The following NEGR1 variants were observed in gnomAD, a reference collection of about 807,000 sequenced individuals.
NEGR1 encodes the protein IgLON family member 4.
In NEGR1, 10 loss-of-function variants were observed where a neutral mutation model predicts 40.9. The ratio of observed to expected loss-of-function variants is 0.24; its 90% CI spans 0.15 to 0.42. The LOEUF is 0.42. Among genes scored for constraint, NEGR1 ranks in the 10% least tolerant of loss-of-function variants. The pLI, the probability that NEGR1 is intolerant of heterozygous loss-of-function variation, is 1.00. For missense variants in NEGR1, 352 were observed against 438.9 expected (o/e 0.80, Z 1.77); for synonymous variants, 185 against 166.8 (o/e 1.11, Z -0.84).
chr1:71,420,336 T>C (rs2101277631), intron 6 of NEGR1, among the ~76,000 whole-genome samples: 1 of 152,184 alleles, frequency 6.6e-6, no homozygotes, highest in South Asian at 2.1e-4. Context: ...AGTCAGGAAA[T>C]TATAATTTAG....
chr1:71,959,081 A>T lies in NEGR1; in HGVS notation c.177-23770T>A, dbSNP rs563373927. ...TCTCACAGTATTTTTTGTTTACACC[A>T]TTATAATCTCATTAACTGCAGCAAC... On this transcript the variant is annotated intron_variant, in intron 1 of 6. Coordinates refer to ENST00000357731, the MANE Select transcript of NEGR1 (RefSeq NM_173808.3). 3.5e-4 allele frequency among the ~76,000 whole-genome samples: 54 copies of T among 152,226 alleles called. No individual in the cohort carries two copies. In the South Asian group the frequency reaches 4.1e-3, roughly 12 times the overall value.
intron 1 of NEGR1, among the ~76,000 whole-genome samples, chr1:72,193,022 A>T (rs1232899548): frequency 6.6e-6 from 1 of 151,786 alleles, no homozygotes; most frequent in African/African-American, 2.4e-5. Context: ...AGGACAAAGG[A>T]GAGAAATACT....
chr1:71,747,352 AC>A (rs1456499708), intron 3 of NEGR1, among the ~76,000 whole-genome samples: 1 of 152,200 alleles, frequency 6.6e-6, no homozygotes, highest in African/African-American at 2.4e-5. Context: ...CAATATTAAA[AC>A]ATAAAAATAA....
chr1:71,556,805 A>G (rs1347015443), intron 6 of NEGR1, among the ~76,000 whole-genome samples: 1 of 151,524 alleles, frequency 6.6e-6, no homozygotes, highest in East Asian at 2.0e-4. Flanking sequence ...GAAGGCAGCT[A>G]TAAATGTTCA....
At chr1:71,811,757 T>C (rs1658009006) in intron 2 of NEGR1, among the ~76,000 whole-genome samples, 1 of 151,294 alleles carries the variant, frequency 6.6e-6, no homozygotes, top group Non-Finnish European at 1.5e-5. Flanking sequence ...TAGTAGTTGC[T>C]AACTTAATGT....
intron 1 of NEGR1, among the ~76,000 whole-genome samples, chr1:72,019,075 T>A (rs1431448086): frequency 1.3e-5 from 2 of 152,146 alleles, no homozygotes; most frequent in Non-Finnish European, 2.9e-5. Flanking sequence ...TATGTCTTCA[T>A]GGGCTGGACA....
rs1041694728 is a variant in NEGR1, at chr1:72,174,777, T to A, written c.176+107542A>T. ...AAAATTAAAAAAAATTTAAAAAAAA[T>A]TTTCGGCTTTATGCCTCTATAACAT... is the stretch of plus-strand genomic sequence containing the variant. On this transcript the variant is annotated intron_variant, in intron 1 of 6. Coordinates refer to ENST00000357731, the MANE Select transcript of NEGR1 (RefSeq NM_173808.3). Among the ~76,000 whole-genome samples the A allele has an allele frequency of 2.6e-5, 4 of 151,890 alleles. 1 individual carries two copies. Among genetic ancestry groups the A allele is most frequent in the East Asian group, 3.9e-4 (2 of 5,186 alleles).
chr1:72,066,413 GACC>G (rs1647273655), intron 1 of NEGR1, among the ~76,000 whole-genome samples: 1 of 152,218 alleles, frequency 6.6e-6, no homozygotes, highest in South Asian at 2.1e-4. Flanking sequence ...CTGAAATTAA[GACC>G]ACATTTTAAC....
At chr1:71,933,557 G>A (rs1401976430) in intron 2 of NEGR1, among the ~76,000 whole-genome samples, 1 of 151,998 alleles carries the variant, frequency 6.6e-6, no homozygotes, top group East Asian at 1.9e-4. Flanking sequence ...AACTGAACAA[G>A]AGAACAAGAT....
At chr1:71,936,617 T>G (rs944039038) in intron 1 of NEGR1, among the ~76,000 whole-genome samples, 1 of 151,878 alleles carries the variant, frequency 6.6e-6, no homozygotes, top group Non-Finnish European at 1.5e-5. Flanking sequence ...ATGAGAGAAA[T>G]AGGAATTTCA....
At chr1:71,907,471 C>A (rs12404198) in intron 2 of NEGR1, among the ~76,000 whole-genome samples, 1,941 of 152,182 alleles carry the variant, frequency 0.013, 15 homozygotes, top group Admixed American at 0.022. Context: ...CTGTCTCACA[C>A]CAATCTGGAT....
At chr1:71,909,842 A>G (rs1661375624) in intron 2 of NEGR1, among the ~76,000 whole-genome samples, 1 of 152,220 alleles carries the variant, frequency 6.6e-6, no homozygotes, top group South Asian at 2.1e-4. Flanking sequence ...TATTAACCAC[A>G]AAAGATAGCA....
intron 2 of NEGR1, among the ~76,000 whole-genome samples, chr1:71,821,878 A>G (rs1658439730): frequency 6.6e-6 from 1 of 152,008 alleles, no homozygotes; most frequent in African/African-American, 2.4e-5. Flanking sequence ...AGGCAGACAT[A>G]AGCAAGCAAC....
rs1182818002 is a variant in NEGR1, at chr1:71,403,247, CT to C, written c.*4198del. ...GTTCTCAGCCAAATAACGTGTTTTG[CT>C]TGGAAACCAAGGTATTTTTAAGGAA... is the stretch of plus-strand genomic sequence containing the variant. On this transcript the variant is annotated 3_prime_UTR_variant, in exon 7 of 7. Transcript: ENST00000357731. The C allele has an allele frequency of 6.6e-6, 1 of 151,960 alleles. No homozygotes were observed. Among genetic ancestry groups the C allele is most frequent in the Non-Finnish European group, 1.5e-5 (1 of 67,932 alleles). The allele number at this position is 151,960 out of a possible 1,614,324, so 9.4% of individuals were successfully genotyped here. A position where few individuals can be genotyped will look rare whatever the true frequency, so the allele number is the denominator to read the frequency against.
chr1:71,454,859 T>C (rs1453860321), intron 6 of NEGR1, among the ~76,000 whole-genome samples: 10 of 152,338 alleles, frequency 6.6e-5, no homozygotes, highest in African/African-American at 2.2e-4. Flanking sequence ...ACTGAAGGTT[T>C]TATCTTGCCT....
At chr1:71,477,187 T>G (rs115883218) in intron 6 of NEGR1, among the ~76,000 whole-genome samples, 1,741 of 152,244 alleles carry the variant, frequency 0.011, 31 homozygotes, top group African/African-American at 0.04. Context: ...AAAGGCAACC[T>G]TGCTTAATAT....
At chr1:72,251,079 T>C (rs1360569995) in intron 1 of NEGR1, among the ~76,000 whole-genome samples, 1 of 152,154 alleles carries the variant, frequency 6.6e-6, no homozygotes, top group Non-Finnish European at 1.5e-5. Context: ...TGAAGATCCT[T>C]TGGCAAAATA....
In NEGR1 at chr1:71,655,211, T is replaced by G. The variant is rs138756505; in HGVS notation, c.667+42797A>C. Among the ~76,000 whole-genome samples the G allele has an allele frequency of 1.3e-4, 20 of 152,302 alleles. No homozygotes were observed. The East Asian group carries it at 2.3e-3, about 18-fold the overall frequency. Reference sequence around the variant, plus strand: ...GCTGTGGAGGAAGGTCTAAAAGAAATTATATTTGTGTTCTGAACCATTAAG... The same window carrying G: ...GCTGTGGAGGAAGGTCTAAAAGAAAGTATATTTGTGTTCTGAACCATTAAG... On this transcript the variant is annotated intron_variant, in intron 4 of 6. Transcript: ENST00000357731.
intron 1 of NEGR1, among the ~76,000 whole-genome samples, chr1:72,162,524 A>C (rs1651607738): frequency 6.6e-6 from 1 of 152,022 alleles, no homozygotes; most frequent in Non-Finnish European, 1.5e-5. Flanking sequence ...GAAGACTTAC[A>C]CCATTGCCCT....
Sources: gnomAD v4.1 joint callset for allele counts (sites outside exome capture counted in the v4.1 genomes callset) on GRCh38, gnomAD v4.1.1 for gene constraint, MANE v1.5 for transcripts, NCBI Gene and HGNC (gene_info 2026-07-23, HGNC 2026-07-21) for gene names.